The following ITPR2 variants were observed in gnomAD, a reference collection of about 807,000 sequenced individuals.
ITPR2 encodes inositol 1,4,5-trisphosphate-gated calcium channel ITPR2.
A neutral mutation model predicts 317.1 loss-of-function variants in ITPR2; 207 were observed. The observed-to-expected ratio is 0.65, with a 90% CI of 0.58 to 0.73. The LOEUF (loss-of-function observed/expected upper bound fraction) is 0.73. Ranked by LOEUF, ITPR2 falls within the 30% of genes least tolerant of loss-of-function variation. ITPR2 has a pLI of 0.00. For missense variants in ITPR2, 2,613 were observed against 3,284.0 expected (o/e 0.80, Z 4.99); for synonymous variants, 1,156 against 1,149.1 (o/e 1.01, Z -0.12).
In ITPR2 at chr12:26,832,823, C is replaced by A. The variant is rs1397221145; in HGVS notation, c.-42G>T. 1 of 1,428,044 alleles carries A rather than the reference C, an allele frequency of 7.0e-7. No individual in the cohort carries two copies. Among genetic ancestry groups the A allele is most frequent in the Admixed American group, 1.7e-5 (1 of 57,308 alleles). 88.5% of individuals were successfully genotyped at this position (1,428,044 alleles called of 1,614,324 possible). A position where few individuals can be genotyped will look rare whatever the true frequency, so the allele number is the denominator to read the frequency against. ...CAGTGGACGTCCCTCTTCTTCCCTG[C>A]GCCCTCGCCGCCCTCTCTCCAGGGA... is the stretch of plus-strand genomic sequence containing the variant. On this transcript the variant is annotated 5_prime_UTR_variant, in exon 1 of 57. Coordinates refer to ENST00000381340, the MANE Select transcript of ITPR2 (RefSeq NM_002223.4).
chr12:26,658,014 G>A lies in ITPR2; in HGVS notation c.2003C>T (p.Thr668Ile), dbSNP rs1156791471. 1 of 1,610,328 alleles carries A rather than the reference G, an allele frequency of 6.2e-7. No homozygotes were observed. Among genetic ancestry groups the A allele is most frequent in the Non-Finnish European group, 8.5e-7 (1 of 1,178,748 alleles). Residue 668 changes from threonine to isoleucine, a missense_variant, in exon 17 of 57, where the codon ACT becomes ATT. Physicochemically the swap from Thr to Ile is moderately conservative, Grantham distance 89 (BLOSUM62 -1). This residue lies in a region of ITPR2 where 817 missense variants were observed against 897.6 expected (regional missense o/e 0.91). Coordinates refer to ENST00000381340, the MANE Select transcript of ITPR2 (RefSeq NM_002223.4). Reference sequence around the variant, plus strand: ...TGCATCCATTATCTGGGCTTACTTAGTTTGAATGAGAATGTCTGCATTGCC... The same window carrying A: ...TGCATCCATTATCTGGGCTTACTTAATTTGAATGAGAATGTCTGCATTGCC... ...SPGNADILIQ[T>I]KVVSMQADNP...
intron 2 of ITPR2, among the ~76,000 whole-genome samples, chr12:26,752,964 T>C (rs12581132): frequency 0.2 from 30,969 of 152,006 alleles, 3,804 homozygotes; most frequent in Non-Finnish European, 0.28. Context: ...CAGTAACATC[T>C]TTCTGGCGAA....
At chr12:26,626,769 A>T (rs1323666787) in intron 23 of ITPR2, among the ~76,000 whole-genome samples, 1 of 152,228 alleles carries the variant, frequency 6.6e-6, no homozygotes, top group African/African-American at 2.4e-5. Context: ...GTAATCACTG[A>T]ATCATTCCTA....
chr12:26,714,673 T>C (rs1948706651), intron 8 of ITPR2, among the ~76,000 whole-genome samples: 1 of 152,142 alleles, frequency 6.6e-6, no homozygotes, highest in South Asian at 2.1e-4. Flanking sequence ...GTTTAGATGT[T>C]TAGTAAATCT....
In ITPR2 at chr12:26,516,278, AAGGGAAG is replaced by A. The variant is rs1565574568; in HGVS notation, c.5074-21025_5074-21019del. Reference sequence around the variant, plus strand: ...AAAGGAAAGGAAAGGAAAGGAAGGGAAGGGAAGGGAAAGGAAAGGAAAGGAAAGGAAA... The same window carrying A: ...AAAGGAAAGGAAAGGAAAGGAAGGGAGGAAAGGAAAGGAAAGGAAAGGAAA... On this transcript the variant is annotated intron_variant, in intron 37 of 56. Coordinates refer to ENST00000381340, the MANE Select transcript of ITPR2 (RefSeq NM_002223.4). Among the ~76,000 whole-genome samples the A allele has an allele frequency of 1.7e-3, 137 of 82,748 alleles. 5 individuals carry two copies. The highest frequency in any genetic ancestry group is 4.4e-3 in the South Asian group (11 of 2,472). 54.3% of individuals were successfully genotyped at this position (82,748 alleles called of 152,430 possible).
chr12:26,579,261 T>C (rs919987387), intron 33 of ITPR2, among the ~76,000 whole-genome samples: 2 of 152,198 alleles, frequency 1.3e-5, no homozygotes, highest in Non-Finnish European at 2.9e-5. Context: ...TCTAATAGTT[T>C]AAAATTTTTC....
Position 26,336,980 on chromosome 12 carries a change from G to GTTTTTTTTTTTTTTTTTGTTT in ITPR2, c.*2416_*2417insAAACAAAAAAAAAAAAAAAAA, listed in dbSNP as rs67842212. ...TTGTCTGCTTCGATTTTTTGTTGCT[G>GTTTTTTTTTTTTTTTTTGTTT]TTTTTTTTTTTTTTGCTTTATAATT... On this transcript the variant is annotated 3_prime_UTR_variant, in exon 57 of 57. Transcript: ENST00000381340. The GTTTTTTTTTTTTTTTTTGTTT allele has an allele frequency of 7.3e-6, 1 of 137,266 alleles. No homozygotes were observed. Among genetic ancestry groups the GTTTTTTTTTTTTTTTTTGTTT allele is most frequent in the Non-Finnish European group, 1.6e-5 (1 of 64,150 alleles). The allele number at this position is 137,266 out of a possible 1,614,324, so 8.5% of individuals were successfully genotyped here. A position where few individuals can be genotyped will look rare whatever the true frequency, so the allele number is the denominator to read the frequency against.
chr12:26,411,632 C>T (rs760683848), intron 51 of ITPR2, among the ~76,000 whole-genome samples: 2 of 152,164 alleles, frequency 1.3e-5, no homozygotes, highest in Non-Finnish European at 2.9e-5. Context: ...CACTAAAAGC[C>T]TTTTATACCT....
chr12:26,383,410 T>C (rs918872942), intron 55 of ITPR2, among the ~76,000 whole-genome samples: 25 of 152,062 alleles, frequency 1.6e-4, no homozygotes, highest in African/African-American at 5.3e-4. Context: ...AGCTGAAGCA[T>C]TGGAGGTGAA....
intron 23 of ITPR2, among the ~76,000 whole-genome samples, chr12:26,624,982 C>G (rs1946587084): frequency 6.6e-6 from 1 of 151,888 alleles, no homozygotes; most frequent in South Asian, 2.1e-4. Flanking sequence ...GGTACACAGA[C>G]ACAATGGAGT....
intron 2 of ITPR2, among the ~76,000 whole-genome samples, chr12:26,770,745 G>A (rs1949825377): frequency 6.6e-6 from 1 of 152,114 alleles, no homozygotes; most frequent in African/African-American, 2.4e-5. Flanking sequence ...TGTTCCTCAG[G>A]CTCCTTGCAG....
intron 34 of ITPR2, among the ~76,000 whole-genome samples, chr12:26,577,022 C>T (rs1226156822): frequency 6.6e-6 from 1 of 152,198 alleles, no homozygotes; most frequent in Non-Finnish European, 1.5e-5. Flanking sequence ...TGCCTTCCAC[C>T]TTCTGCCTTC....
At chr12:26,409,507 AAT>A (rs1940470275) in intron 52 of ITPR2, among the ~76,000 whole-genome samples, 1 of 152,176 alleles carries the variant, frequency 6.6e-6, no homozygotes, top group African/African-American at 2.4e-5. Context: ...CCTTAATGGA[AAT>A]CTTCTAGAAC....
intron 54 of ITPR2, among the ~76,000 whole-genome samples, chr12:26,392,525 T>C (rs1939881894): frequency 6.6e-6 from 1 of 152,192 alleles, no homozygotes; most frequent in African/African-American, 2.4e-5. Context: ...CATCTTAGCC[T>C]CTACCATTTT....
chr12:26,703,786 C>T (rs1948499128), intron 9 of ITPR2, among the ~76,000 whole-genome samples: 1 of 152,074 alleles, frequency 6.6e-6, no homozygotes, highest in Non-Finnish European at 1.5e-5. Context: ...AATCATCCAA[C>T]AGTTACTGAA....
At chr12:26,779,178 T>G (rs1412991151) in intron 2 of ITPR2, among the ~76,000 whole-genome samples, 1 of 152,122 alleles carries the variant, frequency 6.6e-6, no homozygotes, top group Non-Finnish European at 1.5e-5. Context: ...TTTGGAGCCT[T>G]TGGCAGGCCT....
chr12:26,813,911 T>C (rs193091025), intron 1 of ITPR2, among the ~76,000 whole-genome samples: 94 of 152,330 alleles, frequency 6.2e-4, no homozygotes, highest in African/African-American at 2.2e-3. Context: ...TGATTTTATT[T>C]GGCCACAGTG....
intron 2 of ITPR2, among the ~76,000 whole-genome samples, chr12:26,770,146 A>C (rs1016154468): frequency 5.9e-5 from 9 of 152,218 alleles, no homozygotes; most frequent in Non-Finnish European, 1.2e-4. Flanking sequence ...GTATCATATA[A>C]ATATCTGAAG....
At chr12:26,581,332 T>A (rs1019178258) in intron 32 of ITPR2, among the ~76,000 whole-genome samples, 6 of 152,194 alleles carry the variant, frequency 3.9e-5, no homozygotes, top group Non-Finnish European at 8.8e-5. Context: ...AGGGTTTGTT[T>A]TGCATCTAAG....
Sources: allele counts gnomAD v4.1 joint callset (sites outside exome capture counted in the v4.1 genomes callset), GRCh38; gene constraint gnomAD v4.1.1; regional missense constraint gnomAD v4.1.1; transcripts MANE v1.5; gene names NCBI Gene and HGNC (gene_info 2026-07-23, HGNC 2026-07-21).